The following MNAT1 variants were observed in gnomAD, a reference collection of about 807,000 sequenced individuals.
MNAT1 encodes the protein CDK-activating kinase assembly factor MAT1.
In MNAT1, 43 loss-of-function variants were observed where a neutral mutation model predicts 42.0. The observed-to-expected ratio is 1.02, with a 90% CI of 0.80 to 1.32. MNAT1 has a LOEUF of 1.32. Among genes scored for constraint, MNAT1 ranks in the 40% most tolerant of loss-of-function variants. The pLI, the probability that MNAT1 is intolerant of heterozygous loss-of-function variation, is 0.00. For synonymous variants in MNAT1, 118 were observed against 120.0 expected, an observed-to-expected ratio of 0.98 and a Z score of 0.11; for missense variants, 306 against 350.4, an observed-to-expected ratio of 0.87 and a Z score of 1.01.
chr14:60,822,680 A>G (rs2032929883), intron 6 of MNAT1, among the ~76,000 whole-genome samples: 1 of 150,842 alleles, frequency 6.6e-6, no homozygotes, highest in Admixed American at 6.6e-5. Context: ...GGTCTCAAGC[A>G]ATCTTGGAAC....
intron 1 of MNAT1, among the ~76,000 whole-genome samples, chr14:60,774,838 TG>T (rs533531439): frequency 1.4e-4 from 21 of 152,156 alleles, no homozygotes; most frequent in Non-Finnish European, 2.8e-4. Flanking sequence ...TAGGAATAAC[TG>T]GGGGAGGAGC....
At chr14:60,838,026 A>G (rs1235065302) in intron 6 of MNAT1, among the ~76,000 whole-genome samples, 1 of 152,126 alleles carries the variant, frequency 6.6e-6, no homozygotes, top group African/African-American at 2.4e-5. Flanking sequence ...TCCTGATATT[A>G]GTAATTTATG....
At chr14:60,950,182 TA>T (rs1294903420) in intron 7 of MNAT1, among the ~76,000 whole-genome samples, 6 of 152,270 alleles carry the variant, frequency 3.9e-5, no homozygotes, top group East Asian at 1.9e-4. Context: ...ATAAATACCT[TA>T]AAAAATATTT....
chr14:60,940,084 G>C (rs558919746), intron 7 of MNAT1, among the ~76,000 whole-genome samples: 1 of 152,182 alleles, frequency 6.6e-6, no homozygotes, highest in Admixed American at 6.5e-5. Context: ...CCATTTGTTT[G>C]GTAGATCTTC....
intron 6 of MNAT1, among the ~76,000 whole-genome samples, chr14:60,859,678 A>T (rs926763142): frequency 5.3e-5 from 8 of 152,204 alleles, no homozygotes; most frequent in Admixed American, 2.0e-4. Context: ...TTTAAGCAAT[A>T]GTATAATCAG....
chr14:60,736,753 G>T (rs57127110), intron 1 of MNAT1, among the ~76,000 whole-genome samples: 1 of 152,096 alleles, frequency 6.6e-6, no homozygotes, highest in African/African-American at 2.4e-5. Flanking sequence ...CTTCTTGTTG[G>T]TACAATAGAG....
intron 1 of MNAT1, among the ~76,000 whole-genome samples, chr14:60,771,594 G>A (rs1414606193): frequency 6.6e-6 from 1 of 152,134 alleles, no homozygotes; most frequent in African/African-American, 2.4e-5. Flanking sequence ...AGTCCTTATA[G>A]CGTCCCTTCT....
At chr14:60,889,926 G>A (rs1268124803) in intron 7 of MNAT1, among the ~76,000 whole-genome samples, 2 of 152,170 alleles carry the variant, frequency 1.3e-5, no homozygotes, top group African/African-American at 4.8e-5. Flanking sequence ...AATTAGAATG[G>A]CAATCATTAA....
intron 7 of MNAT1, among the ~76,000 whole-genome samples, chr14:60,948,291 C>T (rs543481407): frequency 6.6e-6 from 1 of 152,176 alleles, no homozygotes; most frequent in South Asian, 2.1e-4. Flanking sequence ...ATTAGCTGGG[C>T]ATGGTGGTGC....
intron 6 of MNAT1, among the ~76,000 whole-genome samples, chr14:60,862,386 G>C (rs929894164): frequency 2.0e-5 from 3 of 152,280 alleles, no homozygotes; most frequent in African/African-American, 7.2e-5. Context: ...TTATTTAAGA[G>C]CTCTCAAAGG....
chr14:60,943,077 G>A (rs1315944697), intron 7 of MNAT1, among the ~76,000 whole-genome samples: 5 of 113,256 alleles, frequency 4.4e-5, no homozygotes, highest in Admixed American at 2.1e-4. Context: ...TTTTTGAGAC[G>A]GAGTCTTGCT....
chr14:60,871,541 C>A (rs1365316073), intron 6 of MNAT1, among the ~76,000 whole-genome samples: 2 of 151,852 alleles, frequency 1.3e-5, no homozygotes, highest in East Asian at 3.9e-4. Context: ...AGCATCTTTT[C>A]ATGTTCTTAT....
chr14:60,862,437 T>C (rs2034117087), intron 6 of MNAT1, among the ~76,000 whole-genome samples: 1 of 152,208 alleles, frequency 6.6e-6, no homozygotes, highest in Non-Finnish European at 1.5e-5. Context: ...AGGATAAATG[T>C]TGTGAAATAA....
At chr14:60,803,727 C>A (rs2032281345) in intron 3 of MNAT1, among the ~76,000 whole-genome samples, 1 of 151,938 alleles carries the variant, frequency 6.6e-6, no homozygotes, top group Middle Eastern at 3.2e-3. Context: ...TATTAGGGTG[C>A]CTCAGAGGGT....
intron 7 of MNAT1, among the ~76,000 whole-genome samples, chr14:60,918,464 T>A (rs527875251): frequency 7.9e-5 from 12 of 151,710 alleles, no homozygotes; most frequent in Non-Finnish European, 1.6e-4. Flanking sequence ...CACCTCGGCC[T>A]CCCAAAGTGG....
chr14:60,923,489 T>G (rs2035704018), intron 7 of MNAT1, among the ~76,000 whole-genome samples: 1 of 152,210 alleles, frequency 6.6e-6, no homozygotes, highest in East Asian at 1.9e-4. Flanking sequence ...TCTTTACATT[T>G]TATACTTTAC....
intron 1 of MNAT1, among the ~76,000 whole-genome samples, chr14:60,757,626 A>G (rs1278519071): frequency 6.6e-6 from 1 of 152,218 alleles, no homozygotes; most frequent in South Asian, 2.1e-4. Context: ...GAGACAAACT[A>G]TAATTTAGTT....
Position 60,740,504 on chromosome 14 carries a change from G to C in MNAT1, c.89+5553G>C, listed in dbSNP as rs1362726723. Among the ~76,000 whole-genome samples the C allele has an allele frequency of 1.3e-5, 2 of 152,034 alleles. No homozygotes were observed. The highest frequency in any genetic ancestry group is 2.9e-5 in the Non-Finnish European group (2 of 68,004). On this transcript the variant is annotated intron_variant, in intron 1 of 7. Coordinates refer to ENST00000261245, the MANE Select transcript of MNAT1 (RefSeq NM_002431.4). This position sits in a 1 kb window ranked among gnomAD's most constrained non-coding sequence, Gnocchi z 4.1. ...TCTAAATTGTTAGTTATGTTTAAAA[G>C]TTTTATCAGATTAAGTTTGAATTTA...
chr14:60,739,834 A>C (rs1475410192), intron 1 of MNAT1, among the ~76,000 whole-genome samples: 1 of 152,166 alleles, frequency 6.6e-6, no homozygotes, highest in Non-Finnish European at 1.5e-5. Flanking sequence ...GTGGTATCTA[A>C]TTCTCATTTA....
Sources: gnomAD v4.1 joint callset for allele counts (sites outside exome capture counted in the v4.1 genomes callset) on GRCh38, gnomAD v4.1.1 for gene constraint, Gnocchi (gnomAD v3.1) non-coding constraint, MANE v1.5 for transcripts, NCBI Gene and HGNC (gene_info 2026-07-23, HGNC 2026-07-21) for gene names.